Variants in TRPM3 observed in about 807,000 individuals in gnomAD.
TRPM3 encodes transient receptor potential cation channel subfamily M member 3.
Under a neutral mutation model 181.2 loss-of-function variants are expected in TRPM3, and 77 were observed. That is an observed-to-expected ratio of 0.42 (90% CI 0.35 to 0.51). The LOEUF (loss-of-function observed/expected upper bound fraction) is 0.51. TRPM3 is among the 20% of genes least tolerant of loss of function. TRPM3 has a pLI of 0.01. For synonymous variants in TRPM3, 745 were observed against 796.4 expected, an observed-to-expected ratio of 0.94 and a Z score of 1.09; for missense variants, 1,759 against 2,196.7, an observed-to-expected ratio of 0.80 and a Z score of 3.98.
chr9:70,569,836 T>A (rs926781087), intron 22 of TRPM3, among the ~76,000 whole-genome samples: 1 of 152,178 alleles, frequency 6.6e-6, no homozygotes, highest in Admixed American at 6.5e-5. Flanking sequence ...ATTTAATTAA[T>A]TGATATATGT....
At chr9:70,540,872 A>C (rs935913361) in intron 25 of TRPM3, among the ~76,000 whole-genome samples, 1 of 152,082 alleles carries the variant, frequency 6.6e-6, no homozygotes, top group African/African-American at 2.4e-5. Context: ...ACAGGCATGC[A>C]CCACAACACC....
At chr9:71,446,008 T>C (rs1181744089) in intron 1 of TRPM3, among the ~76,000 whole-genome samples, 2 of 152,208 alleles carry the variant, frequency 1.3e-5, no homozygotes, top group Non-Finnish European at 2.9e-5. Flanking sequence ...ATGATGCCTA[T>C]ATTAATTTCA....
intron 1 of TRPM3, among the ~76,000 whole-genome samples, chr9:71,204,597 A>G (rs1587942009): frequency 6.6e-6 from 1 of 152,260 alleles, no homozygotes; most frequent in East Asian, 1.9e-4. Context: ...AAATAGGGAC[A>G]CTTTTACACT....
intron 1 of TRPM3, among the ~76,000 whole-genome samples, chr9:71,152,512 C>T (rs970844336): frequency 6.6e-6 from 1 of 151,938 alleles, no homozygotes; most frequent in Non-Finnish European, 1.5e-5. Context: ...TCATTTATAC[C>T]CAATGAAAAT....
chr9:70,934,472 G>A (rs947067920), intron 1 of TRPM3, among the ~76,000 whole-genome samples: 4 of 152,122 alleles, frequency 2.6e-5, no homozygotes, highest in African/African-American at 9.7e-5. Context: ...GAGAATATGA[G>A]CATATGTAAG....
In TRPM3 at chr9:71,356,689, T is replaced by C. The variant is rs140147013; in HGVS notation, c.183+89964A>G. On this transcript the variant is annotated intron_variant, in intron 1 of 24. Coordinates refer to the TRPM3 transcript ENST00000357533. ...GTAATTTCTCTATTAATGCTAGCAA[T>C]TGTTATTGTGAAGAGAACTTTTTGA... Among the ~76,000 whole-genome samples the C allele has an allele frequency of 9.6e-4, 146 of 152,248 alleles. 1 individual carries two copies. The highest frequency in any genetic ancestry group is 6.0e-3 in the South Asian group (29 of 4,822).
At chr9:71,303,495 C>A (rs989434106) in intron 1 of TRPM3, among the ~76,000 whole-genome samples, 1 of 152,140 alleles carries the variant, frequency 6.6e-6, no homozygotes, top group African/African-American at 2.4e-5. Context: ...GGCAATAAGT[C>A]AGAGTGACTA....
At chr9:70,783,899 A>G (rs1209394629) in intron 7 of TRPM3, 1 of 1,290,168 alleles carries the variant, frequency 7.8e-7, no homozygotes, top group Non-Finnish European at 9.9e-7. Flanking sequence ...TGTAGCTTTC[A>G]TAGAATTTCC....
At chr9:71,302,808 A>G (rs2086898138) in intron 1 of TRPM3, among the ~76,000 whole-genome samples, 1 of 151,996 alleles carries the variant, frequency 6.6e-6, no homozygotes, top group Admixed American at 6.6e-5. Context: ...GAAGGAAGAA[A>G]GAAGGAAGGA....
At chr9:71,414,347 G>A (rs575081785) in intron 1 of TRPM3, among the ~76,000 whole-genome samples, 7 of 152,004 alleles carry the variant, frequency 4.6e-5, no homozygotes, top group South Asian at 4.2e-4. Flanking sequence ...GTCATAATTC[G>A]ATGTTGTGAA....
At chr9:70,943,514 T>A (rs893494462) in intron 1 of TRPM3, among the ~76,000 whole-genome samples, 4 of 152,238 alleles carry the variant, frequency 2.6e-5, no homozygotes, top group Admixed American at 2.6e-4. Flanking sequence ...GGAAATATTT[T>A]GCTTTACTGA....
chr9:70,855,297 G>A (rs2095358123), intron 3 of TRPM3, among the ~76,000 whole-genome samples: 1 of 152,124 alleles, frequency 6.6e-6, no homozygotes, highest in Admixed American at 6.5e-5. Flanking sequence ...CAGACGGGCT[G>A]TTTCATTAAG....
intron 1 of TRPM3, among the ~76,000 whole-genome samples, chr9:71,107,019 A>G (rs2069765890): frequency 6.6e-6 from 1 of 152,172 alleles, no homozygotes; most frequent in Non-Finnish European, 1.5e-5. Flanking sequence ...GGTGCTGTCT[A>G]TGGAGCTTCT....
chr9:70,662,169 G>A (rs563776724), intron 9 of TRPM3, among the ~76,000 whole-genome samples: 41 of 152,158 alleles, frequency 2.7e-4, no homozygotes, highest in Admixed American at 5.9e-4. Context: ...ACATACATTG[G>A]GAAAAGGACA....
intron 22 of TRPM3, among the ~76,000 whole-genome samples, chr9:70,571,818 C>T (rs2052475395): frequency 6.6e-6 from 1 of 152,092 alleles, no homozygotes; most frequent in Non-Finnish European, 1.5e-5. Context: ...TACTTGACCA[C>T]CTAAATTTTT....
At chr9:71,176,568 TG>T (rs1293293397) in intron 1 of TRPM3, among the ~76,000 whole-genome samples, 1 of 152,102 alleles carries the variant, frequency 6.6e-6, no homozygotes, top group Non-Finnish European at 1.5e-5. Flanking sequence ...AATTTATCAT[TG>T]AAAAAATAAA....
chr9:70,916,577 G>T (rs1422853689), intron 1 of TRPM3, among the ~76,000 whole-genome samples: 2 of 151,892 alleles, frequency 1.3e-5, no homozygotes, highest in Non-Finnish European at 2.9e-5. Flanking sequence ...CTCATTTTTT[G>T]CAGGGTGGAT....
intron 1 of TRPM3, among the ~76,000 whole-genome samples, chr9:70,971,155 TA>T (rs1213111999): frequency 6.6e-6 from 1 of 152,138 alleles, no homozygotes; most frequent in Non-Finnish European, 1.5e-5. Flanking sequence ...CACTGAATTA[TA>T]AAATGCCGAC....
At chr9:71,158,494 A>G (rs987180802) in intron 1 of TRPM3, among the ~76,000 whole-genome samples, 8 of 152,194 alleles carry the variant, frequency 5.3e-5, no homozygotes, top group Admixed American at 5.2e-4. Context: ...GAGAGTTAAG[A>G]AGAAGAAAAC....
Sources: gnomAD v4.1 joint callset for allele counts (sites outside exome capture counted in the v4.1 genomes callset) on GRCh38, gnomAD v4.1.1 for gene constraint, MANE v1.5 for transcripts, NCBI Gene and HGNC (gene_info 2026-07-23, HGNC 2026-07-21) for gene names.